The following DIS3L2 variants were observed in gnomAD, a reference collection of about 807,000 sequenced individuals.
The protein encoded by DIS3L2 is DIS3-like exonuclease 2.
Under a neutral mutation model 97.5 loss-of-function variants are expected in DIS3L2, and 34 were observed. The ratio of observed to expected loss-of-function variants is 0.35; its 90% CI spans 0.27 to 0.46. The LOEUF (loss-of-function observed/expected upper bound fraction) is 0.46. Ranked by LOEUF, DIS3L2 falls within the 20% of genes least tolerant of loss-of-function variation. The probability of loss-of-function intolerance (pLI) is 1.00; values close to 1 mark genes in which losing one functional copy is unlikely to be tolerated. For missense variants in DIS3L2, 1,038 were observed against 1,146.0 expected, an observed-to-expected ratio of 0.91 and a Z score of 1.36; for synonymous variants, 435 against 445.2, an observed-to-expected ratio of 0.98 and a Z score of 0.29.
At chr2:232,307,237 A>G (rs1167148978) in intron 14 of DIS3L2, among the ~76,000 whole-genome samples, 1 of 152,208 alleles carries the variant, frequency 6.6e-6, no homozygotes, top group Non-Finnish European at 1.5e-5. Context: ...CTAATCCACT[A>G]TCTGGCAAAT....
chr2:232,125,914 G>A (rs1300505997), intron 6 of DIS3L2, among the ~76,000 whole-genome samples: 1 of 152,124 alleles, frequency 6.6e-6, no homozygotes, highest in East Asian at 1.9e-4. Context: ...TTTCCTAGTT[G>A]GTTTTGAGAG....
intron 5 of DIS3L2, among the ~76,000 whole-genome samples, chr2:232,083,366 C>G (rs867266767): frequency 7.4e-5 from 11 of 149,290 alleles, no homozygotes; most frequent in African/African-American, 2.7e-4. Context: ...ATAACAAAGT[C>G]AGAATTCTGG....
rs143965725 is a variant in DIS3L2, at chr2:232,170,025, G to C, written c.1124+6393G>C. Among the ~76,000 whole-genome samples the C allele has an allele frequency of 7.2e-3, 1,101 of 152,264 alleles. 5 individuals are homozygous for C. The highest frequency in any genetic ancestry group is 0.011 in the Non-Finnish European group (776 of 68,020). On this transcript the variant is annotated intron_variant, in intron 9 of 20. Coordinates refer to ENST00000325385, the MANE Select transcript of DIS3L2 (RefSeq NM_152383.5). ...GGGTCACCATTTTTCTGGACCTTCAGCTCTAGTCTCTGGAGAGTCCCTGCT... is the reference window on the plus strand; with the variant it reads ...GGGTCACCATTTTTCTGGACCTTCACCTCTAGTCTCTGGAGAGTCCCTGCT...
At chr2:232,077,957 C>G (rs952150955) in intron 5 of DIS3L2, among the ~76,000 whole-genome samples, 1 of 32,078 alleles carries the variant, frequency 3.1e-5, no homozygotes, top group Non-Finnish European at 6.4e-5. Flanking sequence ...CTTTCTTTCT[C>G]TTTCTTTCTT....
chr2:232,067,701 T>G (rs1695890470), intron 5 of DIS3L2, among the ~76,000 whole-genome samples: 1 of 152,234 alleles, frequency 6.6e-6, no homozygotes, highest in Non-Finnish European at 1.5e-5. Context: ...TTACTTTATT[T>G]AATTGTGAAA....
At chr2:232,054,045 A>T (rs1461778035) in intron 5 of DIS3L2, among the ~76,000 whole-genome samples, 1 of 152,216 alleles carries the variant, frequency 6.6e-6, no homozygotes, top group Non-Finnish European at 1.5e-5. Context: ...AAAAGGGCTT[A>T]TTACCAATAA....
At chr2:232,166,078 A>G (rs951839283) in intron 9 of DIS3L2, among the ~76,000 whole-genome samples, 10 of 133,636 alleles carry the variant, frequency 7.5e-5, no homozygotes, top group African/African-American at 2.8e-4. Flanking sequence ...TCTACAATAA[A>G]TAAATAAATA....
intron 5 of DIS3L2, among the ~76,000 whole-genome samples, chr2:232,045,553 T>TGGCAGAAAGTGG (rs1695216253): frequency 6.6e-6 from 1 of 152,000 alleles, no homozygotes; most frequent in Non-Finnish European, 1.5e-5. Context: ...TGTCCTCACA[T>TGGCAGAAAGTGG]GGCAGAAAGT....
chr2:232,073,447 C>G (rs1385249738), intron 5 of DIS3L2, among the ~76,000 whole-genome samples: 2 of 152,162 alleles, frequency 1.3e-5, no homozygotes, highest in African/African-American at 4.8e-5. Flanking sequence ...TTTGGAAAAA[C>G]TCCATAATAC....
chr2:231,973,197 C>T (rs1432780750), intron 1 of DIS3L2, among the ~76,000 whole-genome samples: 1 of 152,018 alleles, frequency 6.6e-6, no homozygotes, highest in African/African-American at 2.4e-5. Context: ...TTCCTTTTTG[C>T]CATATAAGGC....
At chr2:232,027,386 C>T (rs1226865441) in intron 4 of DIS3L2, among the ~76,000 whole-genome samples, 2 of 152,098 alleles carry the variant, frequency 1.3e-5, no homozygotes, top group African/African-American at 4.8e-5. Flanking sequence ...CCGGCTTAAG[C>T]TAGGAGCATA....
At chr2:232,100,561 A>G (rs1180490152) in intron 6 of DIS3L2, among the ~76,000 whole-genome samples, 3 of 151,858 alleles carry the variant, frequency 2.0e-5, no homozygotes, top group Non-Finnish European at 4.4e-5. Flanking sequence ...ACAGATTTTT[A>G]TGTCCAGTGT....
At chr2:232,264,364 G>A (rs768569267) in intron 13 of DIS3L2, among the ~76,000 whole-genome samples, 12 of 152,194 alleles carry the variant, frequency 7.9e-5, no homozygotes, top group Non-Finnish European at 1.6e-4. Context: ...TGATAACTCT[G>A]AAGTCTCACA....
At chr2:232,110,459 A>G (rs115773891) in intron 6 of DIS3L2, among the ~76,000 whole-genome samples, 1,792 of 152,336 alleles carry the variant, frequency 0.012, 17 homozygotes, top group Non-Finnish European at 0.016. Context: ...CCCATCAGTG[A>G]CAGTCTGGAT....
rs1469702371 is a variant in DIS3L2 at position 232,046,227 on chromosome 2, TG to T, written c.366+16149del. On this transcript the variant is annotated intron_variant, in intron 5 of 20. Coordinates refer to ENST00000325385, the MANE Select transcript of DIS3L2 (RefSeq NM_152383.5). The stretch of plus-strand genomic sequence containing the variant: ...GGGAGGAGGTTGAGCCTGGATACAT[TG>T]GCTTTGGGCCTTCTGCCTGTCCTCT... Among the ~76,000 whole-genome samples, 5 of 152,188 alleles carry T rather than the reference TG, an allele frequency of 3.3e-5. No individual in the cohort carries two copies. The East Asian group carries it at 9.7e-4, about 29-fold the overall frequency.
chr2:232,044,329 G>A (rs1695182790), intron 5 of DIS3L2, among the ~76,000 whole-genome samples: 1 of 152,180 alleles, frequency 6.6e-6, no homozygotes, highest in Admixed American at 6.5e-5. Context: ...GTCCCAGTGA[G>A]AGATGAAGTC....
At chr2:232,327,210 TC>T (rs1314404397) in intron 14 of DIS3L2, among the ~76,000 whole-genome samples, 2 of 152,230 alleles carry the variant, frequency 1.3e-5, no homozygotes, top group Non-Finnish European at 2.9e-5. Context: ...CCCTGCTCTT[TC>T]ACCCTGCCCG....
At chr2:232,272,672 A>G (rs1694038044) in intron 13 of DIS3L2, among the ~76,000 whole-genome samples, 1 of 152,238 alleles carries the variant, frequency 6.6e-6, no homozygotes, top group East Asian at 1.9e-4. Context: ...GCAATCTAAC[A>G]GAACAGCCCA....
At chr2:232,337,539 C>T (rs1206474268), downstream of DIS3L2, among the ~76,000 whole-genome samples, 6 of 152,020 alleles carry the variant, frequency 3.9e-5, no homozygotes, top group South Asian at 8.3e-4. Context: ...GCCTCAGTCC[C>T]GAGCAGAGCT....
Sources: allele counts gnomAD v4.1 joint callset (sites outside exome capture counted in the v4.1 genomes callset), GRCh38; gene constraint gnomAD v4.1.1; transcripts MANE v1.5; gene names NCBI Gene and HGNC (gene_info 2026-07-23, HGNC 2026-07-21).